SPATA17: variants seen among roughly 807,000 people sequenced by gnomAD.
The protein encoded by SPATA17 is spermatogenesis associated 17, also known as spermatogenesis-associated protein 17.
A neutral mutation model predicts 62.2 loss-of-function variants in SPATA17; 53 were observed. That is an observed-to-expected ratio of 0.85 (90% CI 0.68 to 1.07). The LOEUF (loss-of-function observed/expected upper bound fraction) is 1.07. SPATA17 is among the 50% of genes least tolerant of loss of function. The pLI is 0.00. For missense variants in SPATA17, 466 were observed against 425.5 expected (o/e 1.10, Z -0.84); for synonymous variants, 146 against 146.8 (o/e 0.99, Z 0.04).
At chr1:217,775,325 A>G (rs1558045814) in intron 7 of SPATA17, among the ~76,000 whole-genome samples, 2 of 152,106 alleles carry the variant, frequency 1.3e-5, no homozygotes, top group South Asian at 2.1e-4. Context: ...TATTCTGGGT[A>G]TTCATGCCTT....
chr1:217,676,645 G>T (rs1433650046), intron 4 of SPATA17, among the ~76,000 whole-genome samples: 1 of 152,124 alleles, frequency 6.6e-6, no homozygotes, highest in Non-Finnish European at 1.5e-5. Context: ...TTTGTTCCTT[G>T]TAATGCCTTT....
rs1230163016 is a variant in SPATA17, at chr1:217,695,971, G to T, written c.395+12610G>T. Among the ~76,000 whole-genome samples, 7 of 150,008 alleles carry T rather than the reference G, an allele frequency of 4.7e-5. No individual in the cohort carries two copies. In the East Asian group the frequency reaches 1.4e-3, roughly 30 times the overall value. ...GTTTGTCTGTGCCCTGCCCCCAGAGGTGGAGCCTACAGAGGCAGGCAGGCC... is the reference window on the plus strand; with the variant it reads ...GTTTGTCTGTGCCCTGCCCCCAGAGTTGGAGCCTACAGAGGCAGGCAGGCC... On this transcript the variant is annotated intron_variant, in intron 5 of 10. Coordinates refer to ENST00000366933, the MANE Select transcript of SPATA17 (RefSeq NM_138796.4).
intron 6 of SPATA17, among the ~76,000 whole-genome samples, chr1:217,758,476 G>C (rs1467363566): frequency 6.6e-6 from 1 of 152,088 alleles, no homozygotes; most frequent in Non-Finnish European, 1.5e-5. Flanking sequence ...TACTATGGAG[G>C]GGAAAACAGA....
chr1:217,707,080 T>G (rs1671753898), intron 5 of SPATA17, among the ~76,000 whole-genome samples: 1 of 152,142 alleles, frequency 6.6e-6, no homozygotes, highest in Non-Finnish European at 1.5e-5. Context: ...TTGGTCCGGC[T>G]TGTCTTGAAC....
intron 5 of SPATA17, among the ~76,000 whole-genome samples, chr1:217,712,464 C>T (rs1347721362): frequency 3.3e-5 from 5 of 152,056 alleles, no homozygotes; most frequent in Admixed American, 6.5e-5. Flanking sequence ...ATAATTTCCT[C>T]ATTCTATTTT....
rs369606224 is a variant in SPATA17, at chr1:217,848,618, T to C, written c.1006-14156T>C. On this transcript the variant is annotated intron_variant, in intron 9 of 10. Coordinates refer to ENST00000366933, the MANE Select transcript of SPATA17 (RefSeq NM_138796.4). ...CCTGTAAAAATCTTTCAATATAATC[T>C]TTCTGTCTGAAAATTTCATCCTACA... Among the ~76,000 whole-genome samples the C allele has an allele frequency of 2.7e-4, 41 of 152,292 alleles. No individual in the cohort carries two copies. In the South Asian group the frequency reaches 8.5e-3, roughly 32 times the overall value.
chr1:217,651,869 G>A (rs1172923174), intron 3 of SPATA17, among the ~76,000 whole-genome samples: 5 of 152,180 alleles, frequency 3.3e-5, no homozygotes, highest in Admixed American at 1.3e-4. Context: ...ATGTTAGGAT[G>A]CTTATTAAAA....
intron 6 of SPATA17, among the ~76,000 whole-genome samples, chr1:217,744,419 C>T (rs1037207733): frequency 4.6e-5 from 2 of 43,140 alleles, no homozygotes; most frequent in African/African-American, 1.1e-4. Flanking sequence ...GCCGAGATCC[C>T]GCCACTGCAC....
intron 1 of SPATA17, among the ~76,000 whole-genome samples, chr1:217,642,726 T>C (rs1670093205): frequency 6.6e-6 from 1 of 152,208 alleles, no homozygotes; most frequent in Non-Finnish European, 1.5e-5. Context: ...GTTTCTCACC[T>C]GCCGCCATGT....
intron 1 of SPATA17, among the ~76,000 whole-genome samples, chr1:217,636,189 G>C (rs948958731): frequency 3.4e-5 from 5 of 149,216 alleles, no homozygotes; most frequent in Non-Finnish European, 7.4e-5. Flanking sequence ...TGTGACTTCT[G>C]TCTATAAAAA....
chr1:217,800,393 GAA>G (rs1674278961), intron 8 of SPATA17, among the ~76,000 whole-genome samples: 1 of 150,276 alleles, frequency 6.7e-6, no homozygotes, highest in Non-Finnish European at 1.5e-5. Flanking sequence ...GACGAGCAGG[GAA>G]AGAGTTCAAT....
At chr1:217,751,475 A>G (rs898232438) in intron 6 of SPATA17, among the ~76,000 whole-genome samples, 3 of 152,226 alleles carry the variant, frequency 2.0e-5, no homozygotes, top group Non-Finnish European at 4.4e-5. Context: ...TCACAGAATC[A>G]TCACATAATT....
At chr1:217,647,070 A>T (rs1278527911) in intron 1 of SPATA17, among the ~76,000 whole-genome samples, 1 of 152,220 alleles carries the variant, frequency 6.6e-6, no homozygotes, top group Non-Finnish European at 1.5e-5. Flanking sequence ...TCTTCTTCAG[A>T]GGGGTATTGA....
chr1:217,829,944 A>C (rs2103001295), intron 9 of SPATA17, among the ~76,000 whole-genome samples: 1 of 152,218 alleles, frequency 6.6e-6, no homozygotes, highest in South Asian at 2.1e-4. Flanking sequence ...AAAATAAAAA[A>C]GTAACTGTCA....
intron 5 of SPATA17, among the ~76,000 whole-genome samples, chr1:217,699,697 C>G (rs1335913665): frequency 6.6e-6 from 1 of 152,068 alleles, no homozygotes; most frequent in Non-Finnish European, 1.5e-5. Flanking sequence ...CAGAACATAA[C>G]TTTTTAATTT....
At chr1:217,866,946 G>C (rs142674766) in intron 10 of SPATA17, 76 bp from the exon 11 acceptor site, 1 of 151,260 alleles carries the variant, frequency 6.6e-6, no homozygotes, top group African/African-American at 2.4e-5. Flanking sequence ...ACCCCACACT[G>C]CCTGGAGTCC....
intron 8 of SPATA17, among the ~76,000 whole-genome samples, chr1:217,793,955 A>C (rs912151916): frequency 6.6e-5 from 10 of 152,000 alleles, no homozygotes; most frequent in Non-Finnish European, 1.5e-4. Context: ...CTTTACTAAA[A>C]AACGCAAAAA....
chr1:217,698,052 T>C (rs973340271), intron 5 of SPATA17, among the ~76,000 whole-genome samples: 4 of 152,128 alleles, frequency 2.6e-5, no homozygotes, highest in Non-Finnish European at 5.9e-5. Flanking sequence ...TCTCAGCATT[T>C]TGGGAGGCCA....
rs145494034 is a variant in SPATA17, at chr1:217,757,391, G to A, written c.519+15293G>A. Among the ~76,000 whole-genome samples the A allele has an allele frequency of 3.6e-4, 55 of 152,306 alleles. 1 individual carries two copies. The highest frequency in any genetic ancestry group is 1.9e-3 in the East Asian group (10 of 5,186). Reference sequence around the variant, plus strand: ...AAATCTACCCCCTGTCAGGGACAGCGGAGGAAAACTAGGCCTATCCCTGTA... The same window carrying A: ...AAATCTACCCCCTGTCAGGGACAGCAGAGGAAAACTAGGCCTATCCCTGTA... On this transcript the variant is annotated intron_variant, in intron 6 of 10. Coordinates refer to ENST00000366933, the MANE Select transcript of SPATA17 (RefSeq NM_138796.4).
Sources: allele counts gnomAD v4.1 joint callset (sites outside exome capture counted in the v4.1 genomes callset), GRCh38; gene constraint gnomAD v4.1.1; transcripts MANE v1.5; gene names NCBI Gene and HGNC (gene_info 2026-07-23, HGNC 2026-07-21).